ALK: variants seen among roughly 807,000 people sequenced by gnomAD.
ALK encodes the protein ALK tyrosine kinase receptor.
Under a neutral mutation model 163.1 loss-of-function variants are expected in ALK, and 74 were observed. The ratio of observed to expected loss-of-function variants is 0.45; its 90% CI spans 0.38 to 0.55. The LOEUF (loss-of-function observed/expected upper bound fraction) is 0.55, where lower values mean the gene tolerates loss of function less well. ALK is among the 20% of genes least tolerant of loss of function. The probability of loss-of-function intolerance (pLI) is 0.00; values close to 1 mark genes in which losing one functional copy is unlikely to be tolerated. For synonymous variants in ALK, 960 were observed against 843.2 expected (o/e 1.14, Z -2.40); for missense variants, 2,063 against 2,105.3 (o/e 0.98, Z 0.39).
chr2:29,409,333 T>C (rs1261039148), intron 4 of ALK, among the ~76,000 whole-genome samples: 1 of 152,182 alleles, frequency 6.6e-6, no homozygotes, highest in Non-Finnish European at 1.5e-5. Flanking sequence ...CTCCTTCTAC[T>C]GTCTCTGCAG....
chr2:29,855,687 C>T (rs1666120503), intron 1 of ALK, among the ~76,000 whole-genome samples: 1 of 152,172 alleles, frequency 6.6e-6, no homozygotes, highest in Admixed American at 6.5e-5. Context: ...TGTCCCGGTT[C>T]TTGTGTTAGA....
Position 29,227,394 on chromosome 2 carries a change from T to C in ALK, c.2914+180A>G, listed in dbSNP as rs888874772. Among the ~76,000 whole-genome samples, 38 of 152,128 alleles carry C rather than the reference T, an allele frequency of 2.5e-4. No individual in the cohort carries two copies. The highest frequency in any genetic ancestry group is 8.9e-4 in the African/African-American group (37 of 41,400). ...TCCTAGGATTCTGCCTCTGCATTCA[T>C]ATTAAAGCACACATCCTGACTTCTG... is the stretch of plus-strand genomic sequence containing the variant. On this transcript the variant is annotated intron_variant, in intron 17 of 28. Coordinates refer to ENST00000389048, the MANE Select transcript of ALK (RefSeq NM_004304.5). The surrounding 1 kb of genome is among the most constrained non-coding windows in gnomAD (Gnocchi z 4.4).
At chr2:29,712,782 T>C (rs1281792723) in intron 2 of ALK, among the ~76,000 whole-genome samples, 1 of 152,204 alleles carries the variant, frequency 6.6e-6, no homozygotes, top group African/African-American at 2.4e-5. Context: ...ATAGGTCTCC[T>C]TGGACTGGAA....
intron 26 of ALK, among the ~76,000 whole-genome samples, chr2:29,201,437 C>G (rs556850828): frequency 3.7e-4 from 57 of 152,306 alleles, no homozygotes; most frequent in African/African-American, 1.3e-3. Flanking sequence ...ACTCCGTTAT[C>G]CCACACCCCT....
At chr2:29,804,719 C>T (rs957030432) in intron 1 of ALK, among the ~76,000 whole-genome samples, 1 of 152,226 alleles carries the variant, frequency 6.6e-6, no homozygotes, top group Non-Finnish European at 1.5e-5. Flanking sequence ...CCCACCCTCT[C>T]TGTTTCTTAG....
Position 29,223,262 on chromosome 2 carries a change from A to G in ALK, c.3359+80T>C, listed in dbSNP as rs12989497. 173,422 of 1,513,074 alleles carry G rather than the reference A, an allele frequency of 0.11. 11,069 individuals are homozygous for G. The highest frequency in any genetic ancestry group is 0.13 in the Non-Finnish European group (138,644 of 1,101,668). The allele number at this position is 1,513,074 out of a possible 1,614,324, so 93.7% of individuals were successfully genotyped here. A position where few individuals can be genotyped will look rare whatever the true frequency, so the allele number is the denominator to read the frequency against. On this transcript the variant is annotated intron_variant, in intron 20 of 28. Transcript: ENST00000389048. ...AGGGCTCTGCCGGCCTTTTGTGGCT[A>G]GAGGAGTCTGCGGTGCTGTGATAAC...
intron 4 of ALK, among the ~76,000 whole-genome samples, chr2:29,427,252 G>T (rs1381037629): frequency 6.6e-6 from 1 of 151,876 alleles, no homozygotes; most frequent in African/African-American, 2.4e-5. Context: ...AAATACGAAG[G>T]TTAGTATCAC....
chr2:29,487,449 T>C (rs1360901867), intron 4 of ALK, among the ~76,000 whole-genome samples: 1 of 152,118 alleles, frequency 6.6e-6, no homozygotes, highest in African/African-American at 2.4e-5. Context: ...TGTGGAAAGG[T>C]GGTCCAACTT....
At chr2:29,242,765 C>G (rs1221468000) in intron 12 of ALK, among the ~76,000 whole-genome samples, 1 of 152,240 alleles carries the variant, frequency 6.6e-6, no homozygotes, top group East Asian at 1.9e-4. Context: ...TTTGAGAAGA[C>G]TGCAAACCCA....
chr2:29,557,767 C>T (rs6547946), intron 3 of ALK, among the ~76,000 whole-genome samples: 1 of 152,136 alleles, frequency 6.6e-6, no homozygotes, highest in East Asian at 1.9e-4. Flanking sequence ...AAAAGGTATA[C>T]ATAGGTCCTA....
rs1005999078 is a variant in ALK at position 29,227,767 on chromosome 2, G to A, written c.2816-95C>T. On this transcript the variant is annotated intron_variant, in intron 16 of 28. Coordinates refer to ENST00000389048, the MANE Select transcript of ALK (RefSeq NM_004304.5). The surrounding 1 kb of genome is among the most constrained non-coding windows in gnomAD (Gnocchi z 4.4). The stretch of plus-strand genomic sequence containing the variant: ...AGTGGGGCATGCAGCTCTGGCCAAA[G>A]TTAGGGGGTCACTGGGGACCTCAGG... 52 of 977,158 alleles carry A rather than the reference G, an allele frequency of 5.3e-5. No individual in the cohort carries two copies. The African/African-American group carries it at 7.3e-4, about 14-fold the overall frequency. 60.5% of individuals were successfully genotyped at this position (977,158 alleles called of 1,614,324 possible). A position where few individuals can be genotyped will look rare whatever the true frequency, so the allele number is the denominator to read the frequency against.
At chr2:29,466,343 TCACA>T in intron 4 of ALK, among the ~76,000 whole-genome samples, 2 of 151,814 alleles carry the variant, frequency 1.3e-5, no homozygotes, top group Non-Finnish European at 1.5e-5. Flanking sequence ...ACACACTAAC[TCACA>T]CACATAGACA....
At position 29,227,772 on chromosome 2, in the gene ALK, G is replaced by T; in HGVS notation, c.2816-100C>A. The T allele has an allele frequency of 2.3e-6, 2 of 882,024 alleles. No individual in the cohort carries two copies. Among genetic ancestry groups the T allele is most frequent in the East Asian group, 2.4e-5 (1 of 40,842 alleles). 54.6% of individuals were successfully genotyped at this position (882,024 alleles called of 1,614,324 possible). ...GGCATGCAGCTCTGGCCAAAGTTAG[G>T]GGGTCACTGGGGACCTCAGGGGCAG... is the stretch of plus-strand genomic sequence containing the variant. On this transcript the variant is annotated intron_variant, in intron 16 of 28. Coordinates refer to ENST00000389048, the MANE Select transcript of ALK (RefSeq NM_004304.5). This position sits in a 1 kb window ranked among gnomAD's most constrained non-coding sequence, Gnocchi z 4.4.
intron 1 of ALK, 126 bp downstream of exon 1, chr2:29,919,867 G>T: frequency 8.3e-7 from 1 of 1,197,742 alleles, no homozygotes; most frequent in Non-Finnish European, 1.2e-6. Flanking sequence ...TTTGCGGGAG[G>T]AAGGAGGGCG....
At chr2:29,656,993 A>C (rs1677203827) in intron 3 of ALK, among the ~76,000 whole-genome samples, 1 of 152,160 alleles carries the variant, frequency 6.6e-6, no homozygotes, top group Non-Finnish European at 1.5e-5. Context: ...ACCCATGCAA[A>C]ATATTTAACA....
chr2:29,240,173 AG>A (rs1664488099), intron 12 of ALK, among the ~76,000 whole-genome samples: 2 of 151,204 alleles, frequency 1.3e-5, no homozygotes, highest in African/African-American at 4.9e-5. Context: ...AGAGAGAGAG[AG>A]AGAGAGAGGA....
rs138831598 is a variant in ALK at position 29,480,501 on chromosome 2, T to C, written c.1154+51414A>G. On this transcript the variant is annotated intron_variant, in intron 4 of 28. Transcript: ENST00000389048. The stretch of plus-strand genomic sequence containing the variant: ...TCTTTTCAGAGTTTGCTGAGTTAAA[T>C]GGGACTGTTTATCTCTAAACTGTGT... 1.6e-3 allele frequency among the ~76,000 whole-genome samples: 238 copies of C among 152,336 alleles called. 3 individuals are homozygous for C. In the East Asian group the frequency reaches 0.035, roughly 22 times the overall value.
At chr2:29,732,065 T>G (rs553906859) in intron 1 of ALK, among the ~76,000 whole-genome samples, 1 of 152,336 alleles carries the variant, frequency 6.6e-6, no homozygotes, top group South Asian at 2.1e-4. Flanking sequence ...ATCCTCATCT[T>G]CAAGAATATT....
At chr2:29,410,951 CT>C (rs1429084303) in intron 4 of ALK, among the ~76,000 whole-genome samples, 1 of 152,182 alleles carries the variant, frequency 6.6e-6, no homozygotes, top group African/African-American at 2.4e-5. Context: ...ACTTTATAAA[CT>C]TTTAATTTTT....
Sources: gnomAD v4.1 joint callset for allele counts (sites outside exome capture counted in the v4.1 genomes callset) on GRCh38, gnomAD v4.1.1 for gene constraint, Gnocchi (gnomAD v3.1) non-coding constraint, MANE v1.5 for transcripts, NCBI Gene and HGNC (gene_info 2026-07-23, HGNC 2026-07-21) for gene names.